Variants in DAB1 observed in about 807,000 individuals in gnomAD.
The protein encoded by DAB1 is DAB adaptor protein 1.
A neutral mutation model predicts 64.6 loss-of-function variants in DAB1; 15 were observed. The observed-to-expected ratio is 0.23, with a 90% CI of 0.16 to 0.36. The LOEUF is 0.36. Among genes scored for constraint, DAB1 ranks in the 10% least tolerant of loss-of-function variants. The pLI is 1.00. For synonymous variants in DAB1, 235 were observed against 251.9 expected (o/e 0.93, Z 0.64); for missense variants, 596 against 706.7 (o/e 0.84, Z 1.78).
At chr1:57,939,723 A>G (rs1226925869) in intron 5 of DAB1, among the ~76,000 whole-genome samples, 1 of 152,158 alleles carries the variant, frequency 6.6e-6, no homozygotes, top group Non-Finnish European at 1.5e-5. Flanking sequence ...GCCATTCTCC[A>G]CAAAGCAAGT....
chr1:58,384,069 T>A (rs962142763), intron 3 of DAB1, among the ~76,000 whole-genome samples: 1 of 152,108 alleles, frequency 6.6e-6, no homozygotes, highest in African/African-American at 2.4e-5. Flanking sequence ...TTTTTTTTTT[T>A]ATAGTAGCCA....
intron 4 of DAB1, among the ~76,000 whole-genome samples, chr1:58,193,626 C>A (rs190401376): frequency 1.6e-4 from 25 of 152,156 alleles, no homozygotes; most frequent in South Asian, 1.0e-3. Flanking sequence ...GAGGTCGAGG[C>A]GGGTGGATCA....
chr1:58,513,382 G>C (rs1231782028), intron 2 of DAB1, among the ~76,000 whole-genome samples: 1 of 152,086 alleles, frequency 6.6e-6, no homozygotes, highest in Non-Finnish European at 1.5e-5. Flanking sequence ...TTTCTTTACA[G>C]CACTGTGAAA....
chr1:57,469,059 A>G (rs1485983345), intron 7 of DAB1, among the ~76,000 whole-genome samples: 1 of 152,190 alleles, frequency 6.6e-6, no homozygotes, highest in Admixed American at 6.5e-5. Flanking sequence ...TCTGTCTGCA[A>G]ATTCTTTAAG....
chr1:57,159,847 G>A (rs1660569769), intron 2 of DAB1, among the ~76,000 whole-genome samples: 1 of 76,244 alleles, frequency 1.3e-5, no homozygotes, highest in South Asian at 4.3e-4. Context: ...CAAGGTAGAA[G>A]CAGCAAGACA....
intron 7 of DAB1, among the ~76,000 whole-genome samples, chr1:57,647,358 T>C (rs1452250083): frequency 6.6e-6 from 1 of 152,194 alleles, no homozygotes. Context: ...AAGCATAGGA[T>C]GTTTTCCAGT....
At chr1:57,851,931 T>G (rs150462994) in intron 1 of DAB1, among the ~76,000 whole-genome samples, 1 of 152,172 alleles carries the variant, frequency 6.6e-6, no homozygotes, top group Non-Finnish European at 1.5e-5. Context: ...CTTTCCTAAT[T>G]GCCTCTCCCC....
At chr1:58,255,477 C>G (rs1305475177) in intron 4 of DAB1, among the ~76,000 whole-genome samples, 1 of 151,994 alleles carries the variant, frequency 6.6e-6, no homozygotes, top group African/African-American at 2.4e-5. Flanking sequence ...TTTCAGAAAG[C>G]TTTCTTCCTG....
In DAB1 at chr1:57,130,171, T is replaced by C. The variant is rs965129402; in HGVS notation, c.306+6372A>G. 2.0e-5 allele frequency among the ~76,000 whole-genome samples: 3 copies of C among 151,960 alleles called. No homozygotes were observed. The East Asian group carries it at 5.8e-4, about 30-fold the overall frequency. ...CTTTCTTAATTCTGCTTAGAGGACA[T>C]AGAAAGACTGTACAGGAGATGGGAC... On this transcript the variant is annotated intron_variant, in intron 4 of 14. Coordinates refer to ENST00000371236, the MANE Select transcript of DAB1 (RefSeq NM_001365792.1).
At chr1:58,351,062 CATG>C (rs1239414415) in intron 3 of DAB1, among the ~76,000 whole-genome samples, 1 of 152,152 alleles carries the variant, frequency 6.6e-6, no homozygotes, top group Non-Finnish European at 1.5e-5. Context: ...TGGCCATTTT[CATG>C]ATAATTGATT....
At chr1:57,822,976 T>C (rs1652186144), downstream of DAB1, among the ~76,000 whole-genome samples, 1 of 139,592 alleles carries the variant, frequency 7.2e-6, no homozygotes, top group Non-Finnish European at 1.5e-5. Flanking sequence ...AAGAAAATAA[T>C]TTAGGAATTT....
At chr1:57,185,345 G>T (rs529718314) in intron 2 of DAB1, among the ~76,000 whole-genome samples, 1 of 152,288 alleles carries the variant, frequency 6.6e-6, no homozygotes, top group East Asian at 1.9e-4. Flanking sequence ...AGTTGGTAAT[G>T]GTGGCAAAGA....
chr1:57,076,043 A>T lies in DAB1; in HGVS notation c.307-3629T>A, dbSNP rs1288729261. Reference sequence around the variant, plus strand: ...AAGGCTGGCCACTGGGCTCTCAAAGAAAAAGGTCAAGACAGCATGGCCCTG... The same window carrying T: ...AAGGCTGGCCACTGGGCTCTCAAAGTAAAAGGTCAAGACAGCATGGCCCTG... On this transcript the variant is annotated intron_variant, in intron 4 of 14. Coordinates refer to ENST00000371236, the MANE Select transcript of DAB1 (RefSeq NM_001365792.1). 3.3e-5 allele frequency among the ~76,000 whole-genome samples: 5 copies of T among 152,176 alleles called. No individual in the cohort carries two copies. In the East Asian group the frequency reaches 9.7e-4, roughly 29 times the overall value.
intron 5 of DAB1, among the ~76,000 whole-genome samples, chr1:58,088,393 A>G (rs1650446544): frequency 1.3e-5 from 2 of 152,240 alleles, no homozygotes; most frequent in Non-Finnish European, 2.9e-5. Flanking sequence ...TGTGCTAGGT[A>G]TTGTGGCCAT....
At chr1:58,382,946 G>A (rs1201097872) in intron 3 of DAB1, among the ~76,000 whole-genome samples, 1 of 152,124 alleles carries the variant, frequency 6.6e-6, no homozygotes, top group Non-Finnish European at 1.5e-5. Flanking sequence ...TATAAAATGA[G>A]GTTAGAGATA....
chr1:57,697,494 T>A (rs1646859136), intron 6 of DAB1, among the ~76,000 whole-genome samples: 1 of 136,640 alleles, frequency 7.3e-6, no homozygotes, highest in South Asian at 2.6e-4. Flanking sequence ...TTTAGCGCAA[T>A]CAATTTTAAT....
chr1:57,404,171 T>C lies in DAB1; in HGVS notation c.-137+19759A>G, dbSNP rs963489318. ...ATTATGATACAGGCATGTAAAAAAC[T>C]ATTAAGGAACTATAAAAAGGACATT... On this transcript the variant is annotated intron_variant, in intron 1 of 14. Transcript: ENST00000371236. Among the ~76,000 whole-genome samples, 7 of 152,106 alleles carry C rather than the reference T, an allele frequency of 4.6e-5. No homozygotes were observed. The East Asian group carries it at 9.6e-4, about 21-fold the overall frequency.
At chr1:57,181,928 C>T (rs1662986964) in intron 2 of DAB1, among the ~76,000 whole-genome samples, 1 of 152,204 alleles carries the variant, frequency 6.6e-6, no homozygotes, top group Non-Finnish European at 1.5e-5. Context: ...CTCTGTCACC[C>T]AGGCTGCAGT....
Position 57,934,759 on chromosome 1 carries a change from G to A in DAB1, n.388-50597C>T, listed in dbSNP as rs374422738. Among the ~76,000 whole-genome samples the A allele has an allele frequency of 8.4e-4, 128 of 152,218 alleles. 4 individuals are homozygous for A. In the South Asian group the frequency reaches 0.025, roughly 30 times the overall value. On this transcript the variant is annotated intron_variant and non_coding_transcript_variant, in intron 5 of 20. Transcript: ENST00000485760. ...GGCCATGCCACGGTACTTCCTCACCGCGCAGTAGGGTTACGCTGCGACAGT... is the reference window on the plus strand; with the variant it reads ...GGCCATGCCACGGTACTTCCTCACCACGCAGTAGGGTTACGCTGCGACAGT...
Sources: gnomAD v4.1 joint callset for allele counts (sites outside exome capture counted in the v4.1 genomes callset) on GRCh38, gnomAD v4.1.1 for gene constraint, MANE v1.5 for transcripts, NCBI Gene and HGNC (gene_info 2026-07-23, HGNC 2026-07-21) for gene names.